The following ZNF331 variants were observed in gnomAD, a reference collection of about 807,000 sequenced individuals.
The protein encoded by ZNF331 is C2H2-like zinc finger protein rearranged in thyroid adenomas.
A neutral mutation model predicts 7.0 loss-of-function variants in ZNF331; 2 were observed. That is an observed-to-expected ratio of 0.29 (90% CI 0.12 to 0.90). The LOEUF is 0.90. Ranked by LOEUF, ZNF331 falls within the 40% of genes least tolerant of loss-of-function variation. The pLI, the probability that ZNF331 is intolerant of heterozygous loss-of-function variation, is 0.58. For missense variants in ZNF331, 432 were observed against 587.7 expected (o/e 0.74, Z 2.74); for synonymous variants, 196 against 205.4 (o/e 0.95, Z 0.39).
intron 2 of ZNF331, among the ~76,000 whole-genome samples, chr19:53,527,796 C>T (rs750489499): frequency 2.0e-5 from 3 of 152,146 alleles, no homozygotes; most frequent in Admixed American, 6.5e-5. Flanking sequence ...AAAGGCTTCA[C>T]GTTTACACCT....
intron 2 of ZNF331, among the ~76,000 whole-genome samples, chr19:53,531,832 G>C (rs1164088529): frequency 6.6e-6 from 1 of 152,160 alleles, no homozygotes; most frequent in South Asian, 2.1e-4. Flanking sequence ...ATGAGTTCTG[G>C]ATCTAGGACA....
rs1170043187 is a variant in ZNF331 at position 53,539,663 on chromosome 19, C to T, written c.-138+381C>T. On this transcript the variant is annotated intron_variant, in intron 2 of 5. Coordinates refer to ENST00000449416, the MANE Select transcript of ZNF331 (RefSeq NM_001079906.2). The surrounding 1 kb of genome is among the most constrained non-coding windows in gnomAD (Gnocchi z 6.1). ...ACTCCACTTACAACTTTCCAAGGGA[C>T]ATTCTGTGTATATTTACTGTATGTG... The T allele has an allele frequency of 6.6e-6, 1 of 152,210 alleles. No individual in the cohort carries two copies. Among genetic ancestry groups the T allele is most frequent in the East Asian group, 1.9e-4 (1 of 5,196 alleles). The allele number at this position is 152,210 out of a possible 1,614,324, so 9.4% of individuals were successfully genotyped here. A position where few individuals can be genotyped will look rare whatever the true frequency, so the allele number is the denominator to read the frequency against.
chr19:53,548,193 C>A (rs2088749178), intron 2 of ZNF331, among the ~76,000 whole-genome samples: 1 of 152,128 alleles, frequency 6.6e-6, no homozygotes, highest in African/African-American at 2.4e-5. Context: ...ACTGCAACCT[C>A]CGCCTCCCGG....
At chr19:53,506,446 C>CTCTG in the ZNF331 span, among the ~76,000 whole-genome samples, 3 of 39,312 alleles carry the variant, frequency 7.6e-5, no homozygotes, top group Non-Finnish European at 1.8e-4. Flanking sequence ...CTCTCTCTGT[C>CTCTG]TCTCTCTCTC....
chr19:53,563,578 T>C (rs530403061), intron 3 of ZNF331, among the ~76,000 whole-genome samples: 1 of 151,672 alleles, frequency 6.6e-6, no homozygotes, highest in East Asian at 1.9e-4. Flanking sequence ...TTGAGAAATA[T>C]ATTTTAATGT....
intron 2 of ZNF331, among the ~76,000 whole-genome samples, chr19:53,547,349 C>G (rs571214072): frequency 6.6e-6 from 1 of 152,112 alleles, no homozygotes; most frequent in Non-Finnish European, 1.5e-5. Flanking sequence ...CCCATGTTGT[C>G]ACAATAACAG....
chr19:53,563,265 T>A (rs1272751910), intron 3 of ZNF331, among the ~76,000 whole-genome samples: 1 of 151,950 alleles, frequency 6.6e-6, no homozygotes, highest in Admixed American at 6.6e-5. Flanking sequence ...TTTTTGTATT[T>A]TTAGTAGAGA....
upstream of ZNF331, among the ~76,000 whole-genome samples, chr19:53,519,119 G>A (rs531959494): frequency 1.1e-4 from 16 of 152,010 alleles, no homozygotes; most frequent in Non-Finnish European, 1.6e-4. Context: ...TTACCCACAC[G>A]TTCATAGAAA....
chr19:53,568,616 T>C (rs2090279659), intron 3 of ZNF331, among the ~76,000 whole-genome samples: 1 of 152,148 alleles, frequency 6.6e-6, no homozygotes, highest in Admixed American at 6.5e-5. Flanking sequence ...AGATTACCTT[T>C]CAGCACCAGA....
At chr19:53,528,327 A>G (rs772938202) in intron 2 of ZNF331, among the ~76,000 whole-genome samples, 4 of 151,104 alleles carry the variant, frequency 2.6e-5, no homozygotes, top group Non-Finnish European at 4.4e-5. Context: ...TGAGAAGCAC[A>G]TATTTTAGCA....
chr19:53,561,434 G>A (rs2089882258), intron 3 of ZNF331, among the ~76,000 whole-genome samples: 1 of 151,216 alleles, frequency 6.6e-6, no homozygotes, highest in South Asian at 2.1e-4. Context: ...TACTGTTTCT[G>A]GTCCTCGTTT....
At chr19:53,555,487 A>T (rs1471991915) in intron 2 of ZNF331, 1 of 152,468 alleles carries the variant, frequency 6.6e-6, no homozygotes, top group African/African-American at 2.4e-5. Context: ...CTCCTAACCA[A>T]GCGGTACCTG....
rs2090466466 is a variant in ZNF331, at chr19:53,571,998, A to G, written c.136+268A>G. Reference sequence around the variant, plus strand: ...GGAATTCTGGGATATTTATTTCATGACCATCTTCAAAGGAGCCAGTTTGTC... The same window carrying G: ...GGAATTCTGGGATATTTATTTCATGGCCATCTTCAAAGGAGCCAGTTTGTC... On this transcript the variant is annotated intron_variant, in intron 5 of 5. Transcript: ENST00000449416. This position sits in a 1 kb window ranked among gnomAD's most constrained non-coding sequence, Gnocchi z 4.7. 1.3e-5 allele frequency among the ~76,000 whole-genome samples: 2 copies of G among 152,078 alleles called. No homozygotes were observed. Among genetic ancestry groups the G allele is most frequent in the South Asian group, 4.1e-4 (2 of 4,820 alleles).
At position 53,539,743 on chromosome 19, in the gene ZNF331, T is replaced by G. The variant is rs73935656; in HGVS notation, c.-138+461T>G. ...CCACCACCACCCTAAGGAGATACTC[T>G]GTAATTTCATGGCATTAAGAAGGAT... On this transcript the variant is annotated intron_variant, in intron 2 of 5. Coordinates refer to ENST00000449416, the MANE Select transcript of ZNF331 (RefSeq NM_001079906.2). This position sits in a 1 kb window ranked among gnomAD's most constrained non-coding sequence, Gnocchi z 6.1. 0.03 allele frequency among the ~76,000 whole-genome samples: 4,612 copies of G among 152,276 alleles called. 259 individuals are homozygous for G. The highest frequency in any genetic ancestry group is 0.11 in the African/African-American group (4,391 of 41,552).
chr19:53,505,194 C>T, the ZNF331 span, among the ~76,000 whole-genome samples: 14 of 152,156 alleles, frequency 9.2e-5, no homozygotes, highest in Admixed American at 9.2e-4. Flanking sequence ...CTCCCTCCAC[C>T]CACACCGCAC....
intron 2 of ZNF331, among the ~76,000 whole-genome samples, chr19:53,544,725 T>G (rs1186643322): frequency 6.6e-6 from 1 of 151,974 alleles, no homozygotes; most frequent in African/African-American, 2.4e-5. Context: ...TGTGATACTG[T>G]ACTGCAGTTT....
In ZNF331 at chr19:53,571,080, C is replaced by T. The variant is rs926913695; in HGVS notation, c.10-524C>T. 1.3e-4 allele frequency among the ~76,000 whole-genome samples: 19 copies of T among 151,720 alleles called. No individual in the cohort carries two copies. Among genetic ancestry groups the T allele is most frequent in the African/African-American group, 4.6e-4 (19 of 41,322 alleles). On this transcript the variant is annotated intron_variant, in intron 4 of 5. Coordinates refer to ENST00000449416, the MANE Select transcript of ZNF331 (RefSeq NM_001079906.2). The surrounding 1 kb of genome is among the most constrained non-coding windows in gnomAD (Gnocchi z 4.7). ...TTCACCATGTTTGCCAGGATGGTCT[C>T]GATCTCCTGACCTCGTGATCCGCCT... is the stretch of plus-strand genomic sequence containing the variant.
the ZNF331 span, among the ~76,000 whole-genome samples, chr19:53,504,591 C>A: frequency 2.6e-5 from 4 of 152,146 alleles, no homozygotes; most frequent in East Asian, 5.8e-4. Context: ...ATCTCTGTGT[C>A]CCTCGGAGTA....
chr19:53,552,349 C>T (rs1054038756), intron 2 of ZNF331, among the ~76,000 whole-genome samples: 1 of 152,138 alleles, frequency 6.6e-6, no homozygotes, highest in African/African-American at 2.4e-5. Context: ...TTCTTAACAT[C>T]AGGCTCTGAA....
Sources: gnomAD v4.1 joint callset for allele counts (sites outside exome capture counted in the v4.1 genomes callset) on GRCh38, gnomAD v4.1.1 for gene constraint, Gnocchi (gnomAD v3.1) non-coding constraint, MANE v1.5 for transcripts, NCBI Gene and HGNC (gene_info 2026-07-23, HGNC 2026-07-21) for gene names.